The following YKT6 variants were observed in gnomAD, a reference collection of about 807,000 sequenced individuals.
The protein encoded by YKT6 is synaptobrevin homolog YKT6.
YKT6 carries 12 observed loss-of-function variants against 29.3 expected under a neutral mutation model. The observed-to-expected ratio is 0.41, with a 90% CI of 0.26 to 0.66. The LOEUF is 0.66. Ranked by LOEUF, YKT6 falls within the 30% of genes least tolerant of loss-of-function variation. The pLI, the probability that YKT6 is intolerant of heterozygous loss-of-function variation, is 0.32. For synonymous variants in YKT6, 86 were observed against 94.3 expected, an observed-to-expected ratio of 0.91 and a Z score of 0.51; for missense variants, 188 against 243.8, an observed-to-expected ratio of 0.77 and a Z score of 1.52.
chr7:44,209,694 T>A (rs535864942), intron 5 of YKT6, among the ~76,000 whole-genome samples: 1 of 152,354 alleles, frequency 6.6e-6, no homozygotes, highest in South Asian at 2.1e-4. Context: ...TCTATGGCGC[T>A]TCATGTGTGC....
intron 6 of YKT6, chr7:44,211,750 G>C (rs2096347045): frequency 2.1e-6 from 1 of 473,022 alleles, no homozygotes; most frequent in Non-Finnish European, 2.8e-6. Context: ...TAGGAAGATA[G>C]TCTGTGACCA....
chr7:44,211,172 A>G, intron 6 of YKT6, 48 bp downstream of exon 6: 1 of 1,550,792 alleles, frequency 6.4e-7, no homozygotes, highest in Non-Finnish European at 8.9e-7. Flanking sequence ...TCTAGAGAGC[A>G]GTCGCAGCTT....
At position 44,212,981 on chromosome 7, in the gene YKT6, T is replaced by C. The variant is rs2096348532; in HGVS notation, c.*699T>C. The C allele has an allele frequency of 6.6e-6, 1 of 152,142 alleles. No homozygotes were observed. The highest frequency in any genetic ancestry group is 2.4e-5 in the African/African-American group (1 of 41,418). The allele number at this position is 152,142 out of a possible 1,614,324, so 9.4% of individuals were successfully genotyped here. ...TGGGAGGATTTGGAAGGAGCTGCAT[T>C]GTGGGCGGGGAGTGTGTGGGTTGGG... is the stretch of plus-strand genomic sequence containing the variant. On this transcript the variant is annotated 3_prime_UTR_variant, in exon 7 of 7. Coordinates refer to ENST00000223369, the MANE Select transcript of YKT6 (RefSeq NM_006555.4).
Position 44,201,033 on chromosome 7 carries a change from G to A in YKT6, c.-103G>A. On this transcript the variant is annotated 5_prime_UTR_variant, in exon 1 of 7. Coordinates refer to ENST00000223369, the MANE Select transcript of YKT6 (RefSeq NM_006555.4). ...GTGGCCCCGTCAGCAGCCGGCTGCT[G>A]AGAGGCCGGTAGGCGGCGGCGGTCC... 3 of 979,980 alleles carry A rather than the reference G, an allele frequency of 3.1e-6. No homozygotes were observed. The highest frequency in any genetic ancestry group is 4.3e-6 in the Non-Finnish European group (3 of 692,530). 60.7% of individuals were successfully genotyped at this position (979,980 alleles called of 1,614,324 possible).
chr7:44,202,426 A>T (rs1238786881), intron 1 of YKT6, among the ~76,000 whole-genome samples: 1 of 152,272 alleles, frequency 6.6e-6, no homozygotes, highest in East Asian at 1.9e-4. Flanking sequence ...CGTGTCTATT[A>T]AACACATTCC....
Position 44,201,235 on chromosome 7 carries a change from T to C in YKT6, c.100T>C (p.Ser34Pro). ...DVSSFSFFQR[S>P]SVQEFMTFTS... The stretch of plus-strand genomic sequence containing the variant: ...GTCTTCCTTCAGCTTTTTCCAGAGA[T>C]CCAGGTGAGCGGCACAGGCTGGTGG... Residue 34 changes from serine (S) to proline (P), a missense_variant, in exon 1 of 7, where the codon TCC (serine) becomes CCC (proline). Transcript: ENST00000223369. 6.2e-7 allele frequency: 1 copy of C among 1,611,358 alleles called. No homozygotes were observed. The highest frequency in any genetic ancestry group is 1.1e-5 in the South Asian group (1 of 90,754).
chr7:44,203,473 G>A lies in YKT6; in HGVS notation c.105-1095G>A, dbSNP rs189358701. Among the ~76,000 whole-genome samples, 312 of 152,312 alleles carry A rather than the reference G, an allele frequency of 2.0e-3. 2 individuals are homozygous for A. The highest frequency in any genetic ancestry group is 7.1e-3 in the African/African-American group (294 of 41,564). On this transcript the variant is annotated intron_variant, in intron 1 of 6. Coordinates refer to ENST00000223369, the MANE Select transcript of YKT6 (RefSeq NM_006555.4). ...ACCCGATTCCAAAGTTGAAAAAGTAGTTTCCCAGCTTTTTTGGTCTTTGTA... is the reference window on the plus strand; with the variant it reads ...ACCCGATTCCAAAGTTGAAAAAGTAATTTCCCAGCTTTTTTGGTCTTTGTA...
intron 6 of YKT6, among the ~76,000 whole-genome samples, chr7:44,211,872 C>G (rs2096347187): frequency 6.6e-6 from 1 of 152,252 alleles, no homozygotes; most frequent in African/African-American, 2.4e-5. Context: ...CCGTGGTGGT[C>G]AGATAGCATT....
chr7:44,212,828 G>A lies in YKT6; in HGVS notation c.*546G>A, dbSNP rs2096348346. The A allele has an allele frequency of 6.6e-6, 1 of 152,504 alleles. No individual in the cohort carries two copies. Among genetic ancestry groups the A allele is most frequent in the South Asian group, 2.1e-4 (1 of 4,842 alleles). 9.4% of individuals were successfully genotyped at this position (152,504 alleles called of 1,614,324 possible). On this transcript the variant is annotated 3_prime_UTR_variant, in exon 7 of 7. Transcript: ENST00000223369. ...CCCCACTTCAGGCCCAAGGCCTGGG[G>A]CGGGGGGAACAGTCACTGGGTCTCA...
chr7:44,204,511 C>T (rs373852556), intron 1 of YKT6, 57 bp from the exon 2 acceptor site: 30 of 1,572,284 alleles, frequency 1.9e-5, no homozygotes, highest in African/African-American at 5.4e-5. Flanking sequence ...TCACTTTCCA[C>T]TGTGTTGGGG....
At position 44,204,626 on chromosome 7, in the gene YKT6, A is replaced by G. The variant is rs967331681; in HGVS notation, c.163A>G (p.Thr55Ala). 1.9e-6 allele frequency: 3 copies of G among 1,614,240 alleles called. No homozygotes were observed. The Admixed American group carries it at 5.0e-5, about 27-fold the overall frequency. ...GATTGTGGAGCGCTCATCGAAAGGCACTAGAGCTTCTGTCAAAGAACAAGG... is the reference window on the plus strand; with the variant it reads ...GATTGTGGAGCGCTCATCGAAAGGCGCTAGAGCTTCTGTCAAAGAACAAGG... ...QLIVERSSKG[T>A]RASVKEQDYL... Residue 55 changes from threonine to alanine, a missense_variant, in exon 2 of 7, where the codon ACT becomes GCT. Physicochemically the swap from Thr to Ala is moderately conservative, Grantham distance 58. Coordinates refer to ENST00000223369, the MANE Select transcript of YKT6 (RefSeq NM_006555.4).
At position 44,209,452 on chromosome 7, in the gene YKT6, C is replaced by CTCT. The variant is rs1008265288; in HGVS notation, c.459+1256_459+1258dup. On this transcript the variant is annotated intron_variant, in intron 5 of 6. Transcript: ENST00000223369. ...TTTCTCCGTTTTCTCCTCAAGCCAT[C>CTCT]TCTTTCTGTTGCTCAAGTCCTAGTC... is the stretch of plus-strand genomic sequence containing the variant. Among the ~76,000 whole-genome samples, 118 of 152,330 alleles carry CTCT rather than the reference C, an allele frequency of 7.7e-4. 1 individual carries two copies. The highest frequency in any genetic ancestry group is 2.6e-3 in the African/African-American group (107 of 41,576).
chr7:44,212,206 C>G (rs370170333), intron 6 of YKT6, 41 bp from the exon 7 acceptor site: 2 of 1,613,660 alleles, frequency 1.2e-6, no homozygotes, highest in Admixed American at 3.3e-5. Context: ...TCCCTTACTT[C>G]GTCAGTCCTC....
At chr7:44,203,390 G>C (rs942502464) in intron 1 of YKT6, among the ~76,000 whole-genome samples, 1 of 152,176 alleles carries the variant, frequency 6.6e-6, no homozygotes, top group African/African-American at 2.4e-5. Flanking sequence ...CACCACGTCC[G>C]GCCTGAGCTT....
chr7:44,210,888 C>G (rs751491499), intron 5 of YKT6, 135 bp from the exon 6 acceptor site: 1 of 806,268 alleles, frequency 1.2e-6, no homozygotes, highest in East Asian at 2.7e-5. Context: ...GACCGAGTCT[C>G]GACACCTAGA....
intron 1 of YKT6, among the ~76,000 whole-genome samples, chr7:44,202,062 C>T (rs1051160654): frequency 8.5e-5 from 13 of 152,106 alleles, no homozygotes; most frequent in Admixed American, 3.3e-4. Flanking sequence ...ATTGGGGTGA[C>T]TCAGGCACGA....
At chr7:44,211,264 C>T in intron 6 of YKT6, 140 bp downstream of exon 6, 1 of 868,522 alleles carries the variant, frequency 1.2e-6, no homozygotes, top group Non-Finnish European at 1.7e-6. Flanking sequence ...GCGGCAAGAG[C>T]CTAAGGTGAG....
In YKT6 at chr7:44,213,297, A is replaced by C. The variant is rs2096348872; in HGVS notation, c.*1015A>C. 6.6e-6 allele frequency: 1 copy of C among 152,284 alleles called. No homozygotes were observed. The highest frequency in any genetic ancestry group is 2.1e-4 in the South Asian group (1 of 4,832). The allele number at this position is 152,284 out of a possible 1,614,324, so 9.4% of individuals were successfully genotyped here. On this transcript the variant is annotated 3_prime_UTR_variant, in exon 7 of 7. Transcript: ENST00000223369. Reference sequence around the variant, plus strand: ...TCTGAACAAGTGGGTCTCTCCCTTGAGCACCAGGAGTGGGTGCCAGCCGGC... The same window carrying C: ...TCTGAACAAGTGGGTCTCTCCCTTGCGCACCAGGAGTGGGTGCCAGCCGGC...
intron 2 of YKT6, among the ~76,000 whole-genome samples, chr7:44,205,114 A>G (rs749647963): frequency 6.6e-6 from 1 of 152,232 alleles, no homozygotes; most frequent in Non-Finnish European, 1.5e-5. Flanking sequence ...AAAGAGTTAC[A>G]TGAGTTTCAT....
Sources: allele counts gnomAD v4.1 joint callset (sites outside exome capture counted in the v4.1 genomes callset), GRCh38; gene constraint gnomAD v4.1.1; transcripts MANE v1.5; gene names NCBI Gene and HGNC (gene_info 2026-07-23, HGNC 2026-07-21).